Variants in MSH3 observed in about 807,000 individuals in gnomAD.
MSH3 encodes the protein DNA mismatch repair protein Msh3.
Under a neutral mutation model 123.3 loss-of-function variants are expected in MSH3, and 106 were observed. The observed-to-expected ratio is 0.86, with a 90% confidence interval of 0.73 to 1.01. MSH3 has a LOEUF of 1.01. Ranked by LOEUF, MSH3 falls within the 50% of genes least tolerant of loss-of-function variation. MSH3 has a pLI of 0.00. For synonymous variants in MSH3, 515 were observed against 481.4 expected, an observed-to-expected ratio of 1.07 and a Z score of -0.91; for missense variants, 1,459 against 1,347.6, an observed-to-expected ratio of 1.08 and a Z score of -1.29.
intron 19 of MSH3, among the ~76,000 whole-genome samples, chr5:80,795,181 G>A (rs1372457115): frequency 1.3e-5 from 2 of 152,236 alleles, no homozygotes; most frequent in East Asian, 1.9e-4. Context: ...GTGTGGCATG[G>A]TGCATTTGGC....
At chr5:80,783,695 G>A (rs899916034) in intron 17 of MSH3, among the ~76,000 whole-genome samples, 5 of 152,046 alleles carry the variant, frequency 3.3e-5, no homozygotes, top group African/African-American at 1.2e-4. Flanking sequence ...TTGAGGACCT[G>A]GGCAGGACCT....
chr5:80,846,759 A>C (rs1366559090), intron 20 of MSH3, among the ~76,000 whole-genome samples: 1 of 152,202 alleles, frequency 6.6e-6, no homozygotes, highest in Non-Finnish European at 1.5e-5. Context: ...CCGGTTGCAA[A>C]GACCATGGGA....
At chr5:80,804,095 G>A (rs989013939) in intron 19 of MSH3, among the ~76,000 whole-genome samples, 5 of 152,166 alleles carry the variant, frequency 3.3e-5, no homozygotes, top group African/African-American at 4.8e-5. Context: ...TGTGAAGAAC[G>A]TCATTGGTCT....
At chr5:80,791,658 C>T (rs866078109) in intron 18 of MSH3, among the ~76,000 whole-genome samples, 7 of 152,068 alleles carry the variant, frequency 4.6e-5, no homozygotes, top group Admixed American at 1.3e-4. Flanking sequence ...TGTGAAATGA[C>T]TTTAAAGGAA....
chr5:80,871,987 G>A (rs915112027), intron 22 of MSH3, among the ~76,000 whole-genome samples: 1 of 152,094 alleles, frequency 6.6e-6, no homozygotes, highest in Non-Finnish European at 1.5e-5. Flanking sequence ...AACAGTCGAG[G>A]GTTGCAGGCC....
intron 15 of MSH3, among the ~76,000 whole-genome samples, chr5:80,770,107 T>G (rs990446922): frequency 1.3e-5 from 2 of 152,176 alleles, no homozygotes; most frequent in African/African-American, 2.4e-5. Flanking sequence ...TACCAAATAT[T>G]TAATTGTAAC....
intron 2 of MSH3, among the ~76,000 whole-genome samples, chr5:80,657,599 C>T (rs1305070251): frequency 2.0e-5 from 3 of 150,866 alleles, no homozygotes; most frequent in South Asian, 2.1e-4. Context: ...TAAGGGAAGA[C>T]AGGAAATCCA....
chr5:80,867,047 G>A (rs1039374069), intron 22 of MSH3, among the ~76,000 whole-genome samples: 1 of 152,174 alleles, frequency 6.6e-6, no homozygotes, highest in Non-Finnish European at 1.5e-5. Flanking sequence ...ACTGGCTGCT[G>A]TCTGGGCCTG....
At position 80,813,652 on chromosome 5, in the gene MSH3, A is replaced by G. The variant is rs999762677; in HGVS notation, c.2724A>G (p.Gln908=). 2.3e-5 allele frequency: 37 copies of G among 1,614,080 alleles called. 1 individual carries two copies. Among genetic ancestry groups the G allele is most frequent in the Non-Finnish European group, 4.2e-6 (5 of 1,180,010 alleles). Residue 908 remains glutamine, a synonymous_variant, in exon 20 of 24, where the codon CAA becomes CAG. Transcript: ENST00000265081. ...GTGGAAAGAGCTCCTACATAAAACA[A>G]GTTGCATTGATTACCATCATGGCTC... The part of the protein sequence containing the change: ...NMGGKSSYIK[Q]VALITIMAQI...
intron 19 of MSH3, among the ~76,000 whole-genome samples, chr5:80,803,294 C>T (rs1351946344): frequency 6.6e-6 from 1 of 152,154 alleles, no homozygotes; most frequent in Non-Finnish European, 1.5e-5. Flanking sequence ...GATGATATCT[C>T]ATTGTAATTT....
At chr5:80,769,154 G>A in intron 15 of MSH3, 151 bp downstream of exon 15, 1 of 707,438 alleles carries the variant, frequency 1.4e-6, no homozygotes, top group Non-Finnish European at 2.3e-6. Context: ...AACTTGTTTT[G>A]ATAAGAGTTA....
chr5:80,658,035 C>CCTTTTTTTTTTTTT (rs369384745), intron 2 of MSH3, among the ~76,000 whole-genome samples: 2 of 87,216 alleles, frequency 2.3e-5, no homozygotes, highest in African/African-American at 5.2e-5. Flanking sequence ...GCTTTTTGCC[C>CCTTTTTTTTTTTTT]TCTTTTTTTT....
At chr5:80,664,474 T>G (rs1175035868) in intron 2 of MSH3, among the ~76,000 whole-genome samples, 4 of 138,090 alleles carry the variant, frequency 2.9e-5, no homozygotes, top group African/African-American at 1.1e-4. Context: ...ACATTGTGTC[T>G]GTGTTCCTAA....
intron 22 of MSH3, among the ~76,000 whole-genome samples, chr5:80,866,112 A>G (rs773896726): frequency 2.6e-5 from 4 of 152,060 alleles, no homozygotes; most frequent in African/African-American, 7.2e-5. Context: ...TTTCCCTTAA[A>G]TGTTCTGTGC....
chr5:80,729,027 G>A, intron 10 of MSH3, 62 bp downstream of exon 10: 1 of 958,524 alleles, frequency 1.0e-6, no homozygotes, highest in Non-Finnish European at 1.7e-6. Context: ...TTCTTAAATT[G>A]AATTTGGTAG....
At chr5:80,666,004 CT>C (rs1208288276) in intron 3 of MSH3, among the ~76,000 whole-genome samples, 1 of 152,066 alleles carries the variant, frequency 6.6e-6, no homozygotes, top group Non-Finnish European at 1.5e-5. Flanking sequence ...AGAATCTTAT[CT>C]AATTGGTTTT....
intron 10 of MSH3, among the ~76,000 whole-genome samples, chr5:80,733,808 GA>G (rs530450436): frequency 3.3e-5 from 5 of 150,540 alleles, no homozygotes; most frequent in East Asian, 1.9e-4. Flanking sequence ...CTATAACTAG[GA>G]AAAAAAAAGG....
intron 19 of MSH3, among the ~76,000 whole-genome samples, chr5:80,807,233 T>A (rs1046007240): frequency 3.4e-5 from 5 of 148,622 alleles, no homozygotes; most frequent in African/African-American, 1.2e-4. Context: ...TAACTGCAAC[T>A]TTAAGTGAAA....
Position 80,743,843 on chromosome 5 carries a change from CAAAAAA to C in MSH3, c.1654-643_1654-638del, listed in dbSNP as rs770547257. 8.5e-4 allele frequency among the ~76,000 whole-genome samples: 3 copies of C among 3,538 alleles called. 1 individual carries two copies. Among genetic ancestry groups the C allele is most frequent in the African/African-American group, 1.1e-3 (1 of 908 alleles). The allele number at this position is 3,538 out of a possible 152,430, so 2.3% of individuals were successfully genotyped here. A position where few individuals can be genotyped will look rare whatever the true frequency, so the allele number is the denominator to read the frequency against. On this transcript the variant is annotated intron_variant, in intron 11 of 23. Transcript: ENST00000265081. ...TGGGCGACAGAGCGAGACTCCGTCT[CAAAAAA>C]AAAAAAAAAAAAAAAAAAACCCAAC...
Sources: allele counts gnomAD v4.1 joint callset (sites outside exome capture counted in the v4.1 genomes callset), GRCh38; gene constraint gnomAD v4.1.1; transcripts MANE v1.5; gene names NCBI Gene and HGNC (gene_info 2026-07-23, HGNC 2026-07-21).